PDE9A: variants seen among roughly 807,000 people sequenced by gnomAD.
PDE9A encodes phosphodiesterase 9A.
PDE9A carries 60 observed loss-of-function variants against 87.4 expected under a neutral mutation model. The ratio of observed to expected loss-of-function variants is 0.69; its 90% confidence interval spans 0.56 to 0.85. The LOEUF is 0.85. Ranked by LOEUF, PDE9A falls within the 40% of genes least tolerant of loss-of-function variation. PDE9A has a pLI of 0.00. For missense variants in PDE9A, 665 were observed against 779.0 expected, an observed-to-expected ratio of 0.85 and a Z score of 1.74; for synonymous variants, 272 against 279.4, an observed-to-expected ratio of 0.97 and a Z score of 0.27.
At position 42,686,229 on chromosome 21, in the gene PDE9A, T is replaced by G. The variant is rs767731909; in HGVS notation, c.107T>G (p.Met36Arg). Residue 36 changes from methionine to arginine, a missense_variant, in exon 2 of 20, where the codon ATG (methionine) becomes AGG (arginine). Met to Arg is a moderately conservative substitution (Grantham distance 91, BLOSUM62 -1). Coordinates refer to ENST00000291539, the MANE Select transcript of PDE9A (RefSeq NM_002606.3). Reference protein sequence around the residue: ...FSKYCNSSDIMDLFCIATGLP... With the variant: ...FSKYCNSSDIRDLFCIATGLP... The stretch of plus-strand genomic sequence containing the variant: ...AAGTACTGCAACTCCAGCGACATCA[T>G]GGACCTGTTCTGCATCGCCACCGGC... 11 of 1,613,826 alleles carry G rather than the reference T, an allele frequency of 6.8e-6. No homozygotes were observed. The highest frequency in any genetic ancestry group is 4.5e-5 in the East Asian group (2 of 44,890).
At position 42,733,345 on chromosome 21, in the gene PDE9A, T is replaced by G. The variant is rs755590579; in HGVS notation, c.498-11T>G. 3 of 1,545,198 alleles carry G rather than the reference T, an allele frequency of 1.9e-6. No individual in the cohort carries two copies. Among genetic ancestry groups the G allele is most frequent in the Non-Finnish European group, 2.7e-6 (3 of 1,117,450 alleles). On this transcript the variant is annotated splice_polypyrimidine_tract_variant and intron_variant, in intron 6 of 19. Transcript: ENST00000291539. ...GTCATATTTACTCTCTCTTTTCTTTTTCATTCCTAGAGCATTCAAAATCAA... is the reference window on the plus strand; with the variant it reads ...GTCATATTTACTCTCTCTTTTCTTTGTCATTCCTAGAGCATTCAAAATCAA...
chr21:42,772,228 G>A lies in PDE9A; in HGVS notation c.1687-211G>A, dbSNP rs111877408. On this transcript the variant is annotated intron_variant, in intron 18 of 19. Transcript: ENST00000291539. ...TGCAGCTGGGTGAGCTCACTGTCCA[G>A]GCCCCAGATGAGGCACCAAGGGTAG... Among the ~76,000 whole-genome samples, 588 of 152,310 alleles carry A rather than the reference G, an allele frequency of 3.9e-3. 4 individuals carry two copies. Among genetic ancestry groups the A allele is most frequent in the African/African-American group, 0.012 (516 of 41,574 alleles).
intron 1 of PDE9A, among the ~76,000 whole-genome samples, chr21:42,682,987 C>A (rs1330425702): frequency 6.6e-6 from 1 of 152,188 alleles, no homozygotes; most frequent in Non-Finnish European, 1.5e-5. Flanking sequence ...AATCAGATAT[C>A]ACTTAAGAAT....
chr21:42,666,276 G>A (rs1296969293), intron 1 of PDE9A, among the ~76,000 whole-genome samples: 1 of 152,218 alleles, frequency 6.6e-6, no homozygotes, highest in African/African-American at 2.4e-5. Flanking sequence ...TTGTCGACGA[G>A]GATCTCAGCT....
intron 8 of PDE9A, among the ~76,000 whole-genome samples, chr21:42,748,502 G>A (rs2054103380): frequency 6.6e-6 from 1 of 152,224 alleles, no homozygotes; most frequent in Non-Finnish European, 1.5e-5. Context: ...TAACACCGAA[G>A]CCTCTTTTTC....
chr21:42,682,874 A>C (rs1321226693), intron 1 of PDE9A, among the ~76,000 whole-genome samples: 1 of 152,224 alleles, frequency 6.6e-6, no homozygotes, highest in Non-Finnish European at 1.5e-5. Flanking sequence ...TTATCCTGGC[A>C]AGGAGGAGGA....
chr21:42,653,621 G>T lies in PDE9A; in HGVS notation c.-194G>T, dbSNP rs1003136020. On this transcript the variant is annotated 5_prime_UTR_variant, in exon 1 of 20. Transcript: ENST00000291539. ...CGGAGCCCGAGCCCGAGCGCGAGCC[G>T]AGCGGAGGAGACCCTGCGGCGCGCG... 6.5e-6 allele frequency: 1 copy of T among 153,394 alleles called. No individual in the cohort carries two copies. The highest frequency in any genetic ancestry group is 2.0e-4 in the South Asian group (1 of 4,882). The allele number at this position is 153,394 out of a possible 1,614,324, so 9.5% of individuals were successfully genotyped here.
At position 42,769,180 on chromosome 21, in the gene PDE9A, C is replaced by T. The variant is rs372785110; in HGVS notation, c.1590+25C>T. On this transcript the variant is annotated intron_variant, in intron 17 of 19. Coordinates refer to ENST00000291539, the MANE Select transcript of PDE9A (RefSeq NM_002606.3). ...GGTGAGTAACTGTCACCACATGTCA[C>T]ACTTGCTTACACTCAGATACATGCA... The T allele has an allele frequency of 1.7e-5, 27 of 1,605,780 alleles. No individual in the cohort carries two copies. The African/African-American group carries it at 2.7e-4, about 16-fold the overall frequency.
At chr21:42,676,114 G>A (rs2146036581) in intron 1 of PDE9A, among the ~76,000 whole-genome samples, 1 of 152,312 alleles carries the variant, frequency 6.6e-6, no homozygotes, top group South Asian at 2.1e-4. Context: ...TCCATCCTGA[G>A]TGAAAGCTCC....
In PDE9A at chr21:42,692,607, A is replaced by G. The variant is rs114345586; in HGVS notation, c.218+4613A>G. Among the ~76,000 whole-genome samples, 96 of 152,140 alleles carry G rather than the reference A, an allele frequency of 6.3e-4. 1 individual carries two copies. The highest frequency in any genetic ancestry group is 2.2e-3 in the African/African-American group (91 of 41,494). On this transcript the variant is annotated intron_variant, in intron 3 of 19. Coordinates refer to ENST00000291539, the MANE Select transcript of PDE9A (RefSeq NM_002606.3). The surrounding 1 kb of genome is among the most constrained non-coding windows in gnomAD (Gnocchi z 4.3). ...AGGTGGGCCCCGAGAATCTTTCTGCAGCAGAAAGCCAGGCTTTCTGCAGGT... is the reference window on the plus strand; with the variant it reads ...AGGTGGGCCCCGAGAATCTTTCTGCGGCAGAAAGCCAGGCTTTCTGCAGGT...
rs374259405 is a variant in PDE9A, at chr21:42,679,245, G to C, written c.70-6947G>C. Among the ~76,000 whole-genome samples, 22 of 152,288 alleles carry C rather than the reference G, an allele frequency of 1.4e-4. No homozygotes were observed. The East Asian group carries it at 2.7e-3, about 19-fold the overall frequency. On this transcript the variant is annotated intron_variant, in intron 1 of 19. Transcript: ENST00000291539. Reference sequence around the variant, plus strand: ...GCCCGCAGGCTGCTGCTGGCATCGAGTCTGTGTCCTATTTTCCATTCACTG... The same window carrying C: ...GCCCGCAGGCTGCTGCTGGCATCGACTCTGTGTCCTATTTTCCATTCACTG...
Position 42,759,418 on chromosome 21 carries a change from AGT to A in PDE9A, c.897+335_897+336del, listed in dbSNP as rs1206460748. Reference sequence around the variant, plus strand: ...GTGTGGGAGCGTGTGTGTGTGTGAGAGTGAGTATGGGGGTGTGGATGTGAGTG... The same window carrying A: ...GTGTGGGAGCGTGTGTGTGTGTGAGAGAGTATGGGGGTGTGGATGTGAGTG... On this transcript the variant is annotated intron_variant, in intron 11 of 19. Transcript: ENST00000291539. The surrounding 1 kb of genome is among the most constrained non-coding windows in gnomAD (Gnocchi z 7.2). Among the ~76,000 whole-genome samples the A allele has an allele frequency of 6.9e-6, 1 of 144,756 alleles. No homozygotes were observed. The highest frequency in any genetic ancestry group is 2.6e-5 in the African/African-American group (1 of 38,416). The allele number at this position is 144,756 out of a possible 152,430, so 95.0% of individuals were successfully genotyped here. A position where few individuals can be genotyped will look rare whatever the true frequency, so the allele number is the denominator to read the frequency against.
At chr21:42,771,365 C>A (rs1203894807) in intron 18 of PDE9A, among the ~76,000 whole-genome samples, 1 of 152,214 alleles carries the variant, frequency 6.6e-6, no homozygotes, top group African/African-American at 2.4e-5. Context: ...AGCCTCAGGG[C>A]CCACGCAGTC....
At chr21:42,708,064 T>C (rs2048986979) in intron 4 of PDE9A, among the ~76,000 whole-genome samples, 1 of 152,208 alleles carries the variant, frequency 6.6e-6, no homozygotes, top group Non-Finnish European at 1.5e-5. Context: ...CGCATAGACA[T>C]GTTGCTCATG....
At chr21:42,728,046 C>G (rs2051321702) in intron 4 of PDE9A, among the ~76,000 whole-genome samples, 1 of 152,104 alleles carries the variant, frequency 6.6e-6, no homozygotes, top group South Asian at 2.1e-4. Context: ...ATCCATATAT[C>G]CAACCAACCG....
At position 42,660,923 on chromosome 21, in the gene PDE9A, C is replaced by T. The variant is rs1206184841; in HGVS notation, c.69+7040C>T. 2.6e-5 allele frequency among the ~76,000 whole-genome samples: 4 copies of T among 152,140 alleles called. No homozygotes were observed. The highest frequency in any genetic ancestry group is 2.1e-4 in the South Asian group (1 of 4,820). ...CCAAATCCCGAAGCTGGTCACGCAA[C>T]GGGAGCATTGGCCCTGAACAGAAAC... On this transcript the variant is annotated intron_variant, in intron 1 of 19. Coordinates refer to ENST00000291539, the MANE Select transcript of PDE9A (RefSeq NM_002606.3). The surrounding 1 kb of genome is among the most constrained non-coding windows in gnomAD (Gnocchi z 4.7).
chr21:42,682,779 A>G (rs1161049250), intron 1 of PDE9A, among the ~76,000 whole-genome samples: 1 of 152,208 alleles, frequency 6.6e-6, no homozygotes, highest in Non-Finnish European at 1.5e-5. Context: ...TCGGCCCCTC[A>G]AGAGCGGTCA....
chr21:42,716,705 T>C (rs2146529591), intron 4 of PDE9A, among the ~76,000 whole-genome samples: 1 of 151,168 alleles, frequency 6.6e-6, no homozygotes, highest in African/African-American at 2.4e-5. Context: ...ATGTTTTATA[T>C]CTGCATACAT....
chr21:42,673,339 G>A (rs541763850), intron 1 of PDE9A, among the ~76,000 whole-genome samples: 57 of 152,234 alleles, frequency 3.7e-4, no homozygotes, highest in African/African-American at 1.2e-3. Flanking sequence ...CGAATGGCAC[G>A]GACCCAGCCA....
Sources: allele counts gnomAD v4.1 joint callset (sites outside exome capture counted in the v4.1 genomes callset), GRCh38; gene constraint gnomAD v4.1.1; non-coding constraint Gnocchi (gnomAD v3.1); transcripts MANE v1.5; gene names NCBI Gene and HGNC (gene_info 2026-07-23, HGNC 2026-07-21).